LPP: variants seen among roughly 807,000 people sequenced by gnomAD.
LPP encodes the protein LIM domain containing preferred translocation partner in lipoma.
A neutral mutation model predicts 60.4 loss-of-function variants in LPP; 38 were observed. The ratio of observed to expected loss-of-function variants is 0.63; its 90% CI spans 0.49 to 0.83. The LOEUF is 0.83. Among genes scored for constraint, LPP ranks in the 40% least tolerant of loss-of-function variants. The pLI is 0.00. For missense variants in LPP, 902 were observed against 783.6 expected, an observed-to-expected ratio of 1.15 and a Z score of -1.80; for synonymous variants, 328 against 290.8, an observed-to-expected ratio of 1.13 and a Z score of -1.30.
At chr3:188,540,156 GTC>G (rs557208274) in intron 6 of LPP, among the ~76,000 whole-genome samples, 381 of 152,258 alleles carry the variant, frequency 2.5e-3, no homozygotes, top group African/African-American at 8.9e-3. Context: ...ACACTGAGAA[GTC>G]TCTGAGTTTC....
At chr3:188,257,384 C>T (rs1260278501) in intron 2 of LPP, among the ~76,000 whole-genome samples, 3 of 152,138 alleles carry the variant, frequency 2.0e-5, no homozygotes, top group Admixed American at 6.5e-5. Context: ...CTCCTGAGGC[C>T]ACCTTTCAGC....
chr3:188,392,178 G>A (rs1578558677), intron 3 of LPP, among the ~76,000 whole-genome samples: 2 of 152,178 alleles, frequency 1.3e-5, no homozygotes, highest in East Asian at 3.9e-4. Context: ...CTACTTGTCA[G>A]TGTAGTTAAT....
intron 2 of LPP, among the ~76,000 whole-genome samples, chr3:188,304,866 C>T (rs1325311581): frequency 2.0e-5 from 3 of 152,180 alleles, no homozygotes; most frequent in Non-Finnish European, 4.4e-5. Flanking sequence ...CCTTTCTTAA[C>T]AGCTCTTCTG....
intron 3 of LPP, among the ~76,000 whole-genome samples, chr3:188,370,382 G>A (rs1047392137): frequency 2.0e-5 from 3 of 152,184 alleles, no homozygotes; most frequent in Admixed American, 2.0e-4. Context: ...CTGGAGTGAT[G>A]GCAGCAAGAT....
chr3:188,731,286 G>A (rs772145630), intron 8 of LPP, among the ~76,000 whole-genome samples: 14 of 152,120 alleles, frequency 9.2e-5, no homozygotes, highest in Non-Finnish European at 1.8e-4. Flanking sequence ...GTAAAGGAAA[G>A]TTTGAGATTT....
intron 3 of LPP, among the ~76,000 whole-genome samples, chr3:188,384,570 T>A (rs567407739): frequency 1.7e-4 from 26 of 152,114 alleles, no homozygotes; most frequent in African/African-American, 6.3e-4. Flanking sequence ...GGCGGGCAGA[T>A]CATGAGGTCA....
chr3:188,830,638 A>C (rs892212985), intron 9 of LPP, among the ~76,000 whole-genome samples: 6 of 151,632 alleles, frequency 4.0e-5, no homozygotes, highest in African/African-American at 7.3e-5. Flanking sequence ...CCCCACACCC[A>C]CCCCCAACGA....
chr3:188,792,129 G>A (rs1182030326), intron 9 of LPP, among the ~76,000 whole-genome samples: 3 of 152,172 alleles, frequency 2.0e-5, no homozygotes, highest in African/African-American at 4.8e-5. Context: ...CCCAAGCACC[G>A]TGTGTAGCCT....
chr3:188,243,183 C>T (rs768955178), intron 2 of LPP, among the ~76,000 whole-genome samples: 1 of 152,062 alleles, frequency 6.6e-6, no homozygotes, highest in Non-Finnish European at 1.5e-5. Context: ...CTGACAAAAA[C>T]TCCTATTTTT....
At chr3:188,758,535 C>T (rs886664833) in intron 8 of LPP, among the ~76,000 whole-genome samples, 16 of 152,132 alleles carry the variant, frequency 1.1e-4, no homozygotes, top group Non-Finnish European at 1.9e-4. Context: ...ATTCAAATCC[C>T]ACAACAGGAT....
chr3:188,673,745 T>C (rs1476075808), intron 7 of LPP, among the ~76,000 whole-genome samples: 1 of 152,118 alleles, frequency 6.6e-6, no homozygotes, highest in Non-Finnish European at 1.5e-5. Context: ...AAAACTTAGC[T>C]TGTCCAGCCA....
intron 2 of LPP, among the ~76,000 whole-genome samples, chr3:188,265,815 T>C (rs2149732375): frequency 6.6e-6 from 1 of 151,652 alleles, no homozygotes; most frequent in East Asian, 1.9e-4. Flanking sequence ...TTTTTTTTGG[T>C]AATCAGTAAG....
chr3:188,722,582 C>CG (rs1716871365), intron 8 of LPP, among the ~76,000 whole-genome samples: 2 of 152,130 alleles, frequency 1.3e-5, no homozygotes, highest in African/African-American at 4.8e-5. Context: ...CTTTTAGCAG[C>CG]TTTAAAATGA....
intron 9 of LPP, among the ~76,000 whole-genome samples, chr3:188,766,091 C>G (rs1734021254): frequency 6.6e-6 from 1 of 151,728 alleles, no homozygotes; most frequent in Admixed American, 6.6e-5. Flanking sequence ...AGGCTGGTCT[C>G]AAACTCCTGA....
intron 3 of LPP, among the ~76,000 whole-genome samples, chr3:188,381,589 C>A (rs953375937): frequency 6.6e-6 from 1 of 152,082 alleles, no homozygotes; most frequent in African/African-American, 2.4e-5. Flanking sequence ...GAGTAGGTAC[C>A]CACTTTCCGA....
intron 2 of LPP, among the ~76,000 whole-genome samples, chr3:188,316,419 GACTGACCAAGACCCT>G (rs1236943291): frequency 3.9e-5 from 6 of 152,052 alleles, no homozygotes; most frequent in Non-Finnish European, 8.8e-5. Context: ...CAGCCTGGGT[GACTGACCAAGACCCT>G]ACTGGAAGAA....
chr3:188,757,898 T>TTTTTTTTG (rs1560164509), intron 8 of LPP, among the ~76,000 whole-genome samples: 9 of 146,568 alleles, frequency 6.1e-5, no homozygotes, highest in Admixed American at 4.0e-4. Flanking sequence ...GGTTTTTTTT[T>TTTTTTTTG]TTTTTTTTTT....
intron 8 of LPP, among the ~76,000 whole-genome samples, chr3:188,759,816 A>G (rs1007582063): frequency 6.6e-6 from 1 of 152,188 alleles, no homozygotes; most frequent in African/African-American, 2.4e-5. Flanking sequence ...GAGTCAGAGC[A>G]CTGACCTCAA....
chr3:188,668,468 T>C (rs1856270566), intron 7 of LPP, among the ~76,000 whole-genome samples: 1 of 152,220 alleles, frequency 6.6e-6, no homozygotes, highest in Admixed American at 6.5e-5. Context: ...GATTTGTAGG[T>C]GCAGTATGTA....
Sources: gnomAD v4.1 joint callset for allele counts (sites outside exome capture counted in the v4.1 genomes callset) on GRCh38, gnomAD v4.1.1 for gene constraint, MANE v1.5 for transcripts, NCBI Gene and HGNC (gene_info 2026-07-23, HGNC 2026-07-21) for gene names.